The following GPC5 variants were observed in gnomAD, a reference collection of about 807,000 sequenced individuals.
GPC5 encodes the protein glypican 5.
A neutral mutation model predicts 53.9 loss-of-function variants in GPC5; 47 were observed. The ratio of observed to expected loss-of-function variants is 0.87; its 90% CI spans 0.69 to 1.11. GPC5 has a LOEUF of 1.11. Ranked by LOEUF, GPC5 falls within the 50% of genes most tolerant of loss-of-function variation. The pLI, the probability that GPC5 is intolerant of heterozygous loss-of-function variation, is 0.00. For missense variants in GPC5, 748 were observed against 713.1 expected (o/e 1.05, Z -0.56); for synonymous variants, 286 against 263.3 (o/e 1.09, Z -0.84).
intron 7 of GPC5, among the ~76,000 whole-genome samples, chr13:92,689,297 A>G (rs1887326626): frequency 2.7e-5 from 1 of 37,616 alleles, no homozygotes; most frequent in African/African-American, 5.6e-5. Context: ...CTCTTGTTGA[A>G]TTGATCCCTT....
chr13:92,070,040 G>T (rs2041198350), intron 6 of GPC5, among the ~76,000 whole-genome samples: 1 of 152,114 alleles, frequency 6.6e-6, no homozygotes, highest in Non-Finnish European at 1.5e-5. Flanking sequence ...TAAAAGCTGA[G>T]ACCATGCTCC....
chr13:91,594,627 G>T lies in GPC5; in HGVS notation c.326-98560G>T, dbSNP rs201015631. ...ACTATTGTTGTTTCTTTTTCTTTTT[G>T]TTTTTTTTTCCTAATTGCTAAGTGG... On this transcript the variant is annotated intron_variant, in intron 2 of 7. Transcript: ENST00000377067. Among the ~76,000 whole-genome samples, 11 of 151,664 alleles carry T rather than the reference G, an allele frequency of 7.3e-5. 1 individual carries two copies. The South Asian group carries it at 2.3e-3, about 32-fold the overall frequency.
At position 91,961,929 on chromosome 13, in the gene GPC5, A is replaced by AT. The variant is rs533235393; in HGVS notation, c.1401+53876dup. Among the ~76,000 whole-genome samples the AT allele has an allele frequency of 1.8e-3, 281 of 152,256 alleles. 1 individual carries two copies. Among genetic ancestry groups the AT allele is most frequent in the Non-Finnish European group, 2.5e-3 (167 of 67,982 alleles). On this transcript the variant is annotated intron_variant, in intron 6 of 7. Transcript: ENST00000377067. ...GGATCTGGTCAGAAGTTAACTTCTC[A>AT]TTTTGGGAAAATGTATAAATCTGTA...
chr13:91,679,418 G>A (rs1430705335), intron 2 of GPC5, among the ~76,000 whole-genome samples: 1 of 152,166 alleles, frequency 6.6e-6, no homozygotes, highest in Non-Finnish European at 1.5e-5. Flanking sequence ...GATCTAGGTT[G>A]ATATGTTATA....
At chr13:92,488,373 C>A (rs548102815) in intron 7 of GPC5, among the ~76,000 whole-genome samples, 75 of 152,222 alleles carry the variant, frequency 4.9e-4, no homozygotes, top group African/African-American at 1.7e-3. Flanking sequence ...TACTTCAGAT[C>A]CACTTCATTT....
intron 5 of GPC5, among the ~76,000 whole-genome samples, chr13:91,791,358 T>C (rs950132768): frequency 2.6e-5 from 4 of 152,148 alleles, no homozygotes; most frequent in Admixed American, 2.6e-4. Flanking sequence ...AGATGCTCCC[T>C]GGAAAATGAG....
intron 7 of GPC5, among the ~76,000 whole-genome samples, chr13:92,479,746 C>T (rs1426672022): frequency 6.6e-6 from 1 of 152,146 alleles, no homozygotes; most frequent in African/African-American, 2.4e-5. Flanking sequence ...GCAGGGGGCT[C>T]TAGCACACAA....
At chr13:92,723,643 T>A (rs1888561678) in intron 7 of GPC5, among the ~76,000 whole-genome samples, 1 of 151,694 alleles carries the variant, frequency 6.6e-6, no homozygotes, top group Admixed American at 6.6e-5. Flanking sequence ...TCCATATTTA[T>A]TTTTCCCCAA....
chr13:92,123,289 C>CCAGTTA (rs1308511411), intron 6 of GPC5, among the ~76,000 whole-genome samples: 4 of 151,704 alleles, frequency 2.6e-5, no homozygotes, highest in Non-Finnish European at 5.9e-5. Context: ...ACGTGTAATT[C>CCAGTTA]CAGTTACTTT....
At chr13:92,264,854 GTCTCTC>G (rs147820719) in intron 7 of GPC5, among the ~76,000 whole-genome samples, 15 of 139,454 alleles carry the variant, frequency 1.1e-4, no homozygotes, top group South Asian at 2.3e-4. Flanking sequence ...TATGTTTAGG[GTCTCTC>G]TCTCTCTCTC....
chr13:91,668,039 G>A (rs1205905376), intron 2 of GPC5, among the ~76,000 whole-genome samples: 1 of 152,100 alleles, frequency 6.6e-6, no homozygotes, highest in Non-Finnish European at 1.5e-5. Context: ...AGCTATAATG[G>A]CTGCCACATA....
intron 7 of GPC5, among the ~76,000 whole-genome samples, chr13:92,834,665 G>T (rs1878163686): frequency 2.0e-5 from 3 of 152,104 alleles, no homozygotes; most frequent in Non-Finnish European, 2.9e-5. Context: ...TCTCCCACAT[G>T]CAATGTTGGC....
At chr13:92,770,391 G>C (rs1594494809) in intron 7 of GPC5, among the ~76,000 whole-genome samples, 2 of 147,888 alleles carry the variant, frequency 1.4e-5, no homozygotes, top group African/African-American at 5.0e-5. Context: ...CTCCAGCCTG[G>C]GTGACCTAGT....
chr13:92,665,688 T>G (rs1240989388), intron 7 of GPC5, among the ~76,000 whole-genome samples: 1 of 152,166 alleles, frequency 6.6e-6, no homozygotes, highest in Non-Finnish European at 1.5e-5. Context: ...CACTGAAAAT[T>G]ATGGTTCCAT....
intron 6 of GPC5, among the ~76,000 whole-genome samples, chr13:92,119,672 G>A (rs540160304): frequency 9.9e-4 from 144 of 145,928 alleles, no homozygotes; most frequent in Non-Finnish European, 1.5e-3. Context: ...CGCCCGCTTC[G>A]GCCTCCCAAA....
At chr13:92,684,507 G>A (rs1216262024) in intron 7 of GPC5, among the ~76,000 whole-genome samples, 16 of 151,976 alleles carry the variant, frequency 1.1e-4, no homozygotes, top group Non-Finnish European at 1.9e-4. Context: ...CTGACCTCGC[G>A]ATCCACCCAC....
chr13:91,948,650 C>T (rs946605921), intron 6 of GPC5, among the ~76,000 whole-genome samples: 42 of 152,246 alleles, frequency 2.8e-4, no homozygotes, highest in Middle Eastern at 3.4e-3. Context: ...GAGGACAAAA[C>T]AAATGCAATT....
intron 6 of GPC5, among the ~76,000 whole-genome samples, chr13:92,076,038 T>C (rs2074359066): frequency 6.6e-6 from 1 of 151,962 alleles, no homozygotes; most frequent in Admixed American, 6.6e-5. Context: ...TGAGATCAGA[T>C]AAACCATGTG....
chr13:92,175,684 G>C (rs989577603), intron 7 of GPC5, among the ~76,000 whole-genome samples: 2 of 151,460 alleles, frequency 1.3e-5, no homozygotes, highest in African/African-American at 4.9e-5. Flanking sequence ...AACCTATTCT[G>C]TTCTTTATTA....
Sources: gnomAD v4.1 joint callset for allele counts (sites outside exome capture counted in the v4.1 genomes callset) on GRCh38, gnomAD v4.1.1 for gene constraint, MANE v1.5 for transcripts, NCBI Gene and HGNC (gene_info 2026-07-23, HGNC 2026-07-21) for gene names.